Variants in EML1 observed in about 807,000 individuals in gnomAD.
EML1 encodes EMAP like 1.
Under a neutral mutation model 110.4 loss-of-function variants are expected in EML1, and 27 were observed. The ratio of observed to expected loss-of-function variants is 0.24; its 90% CI spans 0.18 to 0.34. EML1 has a LOEUF of 0.34. Among genes scored for constraint, EML1 ranks in the 10% least tolerant of loss-of-function variants. The pLI, the probability that EML1 is intolerant of heterozygous loss-of-function variation, is 1.00. For synonymous variants in EML1, 344 were observed against 385.8 expected, an observed-to-expected ratio of 0.89 and a Z score of 1.27; for missense variants, 741 against 1,030.9, an observed-to-expected ratio of 0.72 and a Z score of 3.85.
intron 1 of EML1, among the ~76,000 whole-genome samples, chr14:99,754,831 G>A (rs1024341734): frequency 2.0e-5 from 3 of 152,128 alleles, no homozygotes; most frequent in Middle Eastern, 3.2e-3. Context: ...GGTCATGCCT[G>A]TGAAGCTTGG....
At chr14:99,739,929 C>G (rs536697283) in intron 1 of EML1, among the ~76,000 whole-genome samples, 2 of 152,146 alleles carry the variant, frequency 1.3e-5, no homozygotes, top group Non-Finnish European at 2.9e-5. Context: ...TGACCTAGGG[C>G]AGACTATTCA....
intron 2 of EML1, among the ~76,000 whole-genome samples, chr14:99,851,775 G>A (rs916274595): frequency 2.0e-5 from 3 of 152,070 alleles, no homozygotes; most frequent in African/African-American, 7.2e-5. Context: ...AGCAACACTC[G>A]ATCATATGCC....
intron 1 of EML1, among the ~76,000 whole-genome samples, chr14:99,821,610 C>G (rs1322410180): frequency 6.6e-6 from 1 of 152,192 alleles, no homozygotes; most frequent in East Asian, 1.9e-4. Context: ...TAATTTGACT[C>G]CACATCTTTT....
chr14:99,816,513 C>G (rs2058170543), intron 1 of EML1, among the ~76,000 whole-genome samples: 1 of 152,332 alleles, frequency 6.6e-6, no homozygotes, highest in Admixed American at 6.5e-5. Context: ...GCAGATAGGC[C>G]TCGTGCTACA....
At chr14:99,913,286 C>T (rs2059976290) in intron 13 of EML1, among the ~76,000 whole-genome samples, 1 of 151,818 alleles carries the variant, frequency 6.6e-6, no homozygotes. Context: ...AATTCTCCCA[C>T]CTCAGCCTCT....
At chr14:99,832,499 A>G (rs971885168) in intron 1 of EML1, among the ~76,000 whole-genome samples, 2 of 152,142 alleles carry the variant, frequency 1.3e-5, no homozygotes, top group Admixed American at 1.3e-4. Flanking sequence ...CAGAGATGCA[A>G]TTGCTGATTC....
exon 1 of EML1, chr14:99,773,670 C>G (rs2057450246): frequency 6.6e-6 from 1 of 152,416 alleles, no homozygotes; most frequent in South Asian, 2.1e-4. Context: ...GTCTGCCCTA[C>G]TTGCCATCAC....
chr14:99,757,231 C>T (rs1210442499), intron 1 of EML1, among the ~76,000 whole-genome samples: 2 of 151,774 alleles, frequency 1.3e-5, no homozygotes, highest in East Asian at 1.9e-4. Flanking sequence ...CGCAGCTACT[C>T]GGGAGGCTGA....
chr14:99,802,661 ACGG>A (rs2057902958), intron 1 of EML1, among the ~76,000 whole-genome samples: 1 of 152,062 alleles, frequency 6.6e-6, no homozygotes, highest in Non-Finnish European at 1.5e-5. Flanking sequence ...AGTCCAGGCC[ACGG>A]GGGAGGTGGT....
chr14:99,848,391 T>C (rs2058737970), intron 1 of EML1, among the ~76,000 whole-genome samples: 1 of 152,180 alleles, frequency 6.6e-6, no homozygotes. Flanking sequence ...CAAAAATAAG[T>C]ATGTGAGGTA....
Position 99,758,496 on chromosome 14 carries a change from C to T in EML1, c.28+20636C>T, listed in dbSNP as rs527935660. On this transcript the variant is annotated intron_variant, in intron 1 of 10. Transcript: ENST00000554479. Reference sequence around the variant, plus strand: ...GGGGGTTCAGGGCAGAGGTTTCAGTCTTTGGATCTCCCCACATTTGACCAA... The same window carrying T: ...GGGGGTTCAGGGCAGAGGTTTCAGTTTTTGGATCTCCCCACATTTGACCAA... 2.6e-5 allele frequency among the ~76,000 whole-genome samples: 4 copies of T among 152,310 alleles called. No individual in the cohort carries two copies. In the East Asian group the frequency reaches 7.7e-4, roughly 29 times the overall value.
Position 99,903,784 on chromosome 14 carries a change from C to CTTTTTTTT in EML1, c.1008+2745_1008+2746insTTTTTTTT, listed in dbSNP as rs202121563. On this transcript the variant is annotated intron_variant, in intron 9 of 21. Transcript: ENST00000262233. ...ACAAAATCTCATAGATAAATCTATT[C>CTTTTTTTT]ATTTTTTTTTTTTTTTTGAGACAGA... is the stretch of plus-strand genomic sequence containing the variant. 2.1e-5 allele frequency among the ~76,000 whole-genome samples: 3 copies of CTTTTTTTT among 141,612 alleles called. 1 individual carries two copies. Among genetic ancestry groups the CTTTTTTTT allele is most frequent in the Non-Finnish European group, 4.6e-5 (3 of 65,538 alleles). The allele number at this position is 141,612 out of a possible 152,430, so 92.9% of individuals were successfully genotyped here.
chr14:99,917,940 C>A, intron 16 of EML1, 91 bp downstream of exon 16: 3 of 1,310,538 alleles, frequency 2.3e-6, no homozygotes, highest in Non-Finnish European at 1.1e-6. Flanking sequence ...CCCCGTTCAG[C>A]TCTTGGCTAC....
chr14:99,833,804 T>A (rs2058497668), intron 1 of EML1, among the ~76,000 whole-genome samples: 1 of 152,216 alleles, frequency 6.6e-6, no homozygotes, highest in Admixed American at 6.5e-5. Context: ...TGCAAGTATA[T>A]AGAAATACAA....
intron 2 of EML1, among the ~76,000 whole-genome samples, chr14:99,860,532 G>C (rs2058985684): frequency 6.6e-6 from 1 of 152,146 alleles, no homozygotes. Context: ...CCTTCCACCA[G>C]GTTTTCTTAC....
chr14:99,863,988 C>A (rs866326887), intron 2 of EML1, among the ~76,000 whole-genome samples: 1 of 152,256 alleles, frequency 6.6e-6, no homozygotes, highest in Non-Finnish European at 1.5e-5. Flanking sequence ...GCATCCCGGC[C>A]ATCAATTGGT....
intron 1 of EML1, among the ~76,000 whole-genome samples, chr14:99,848,086 G>T (rs910276076): frequency 1.3e-5 from 2 of 151,564 alleles, no homozygotes; most frequent in Non-Finnish European, 2.9e-5. Flanking sequence ...TGTCTTTTTT[G>T]TACCTCTGTT....
At chr14:99,892,451 G>A (rs1252558393) in intron 5 of EML1, among the ~76,000 whole-genome samples, 1 of 152,090 alleles carries the variant, frequency 6.6e-6, no homozygotes, top group African/African-American at 2.4e-5. Context: ...TAAACCTTAA[G>A]AGAGCTATAG....
intron 1 of EML1, among the ~76,000 whole-genome samples, chr14:99,757,808 G>A (rs2140182886): frequency 6.6e-6 from 1 of 152,288 alleles, no homozygotes; most frequent in South Asian, 2.1e-4. Context: ...AATAAAATGT[G>A]AGCTTTAAAA....
Sources: allele counts gnomAD v4.1 joint callset (sites outside exome capture counted in the v4.1 genomes callset), GRCh38; gene constraint gnomAD v4.1.1; transcripts MANE v1.5; gene names NCBI Gene and HGNC (gene_info 2026-07-23, HGNC 2026-07-21).